STX7: variants seen among roughly 807,000 people sequenced by gnomAD.
STX7 encodes syntaxin-7.
A neutral mutation model predicts 39.6 loss-of-function variants in STX7; 34 were observed. The ratio of observed to expected loss-of-function variants is 0.86; its 90% CI spans 0.65 to 1.14. The LOEUF is 1.14. STX7 is among the 50% of genes most tolerant of loss of function. The pLI is 0.00. For missense variants in STX7, 284 were observed against 310.4 expected (o/e 0.92, Z 0.64); for synonymous variants, 119 against 99.1 (o/e 1.20, Z -1.19).
intron 2 of STX7, among the ~76,000 whole-genome samples, chr6:132,499,921 C>G (rs745328376): frequency 9.8e-5 from 15 of 152,312 alleles, no homozygotes; most frequent in Non-Finnish European, 8.8e-5. Flanking sequence ...CGTTTCAGTA[C>G]ACACTTGCCA....
intron 2 of STX7, among the ~76,000 whole-genome samples, chr6:132,489,565 T>C (rs1229596440): frequency 6.6e-6 from 1 of 152,176 alleles, no homozygotes; most frequent in Admixed American, 6.5e-5. Context: ...ACTTGTCTTC[T>C]TTGTGAGCAA....
At chr6:132,501,436 G>A (rs541706319) in intron 2 of STX7, among the ~76,000 whole-genome samples, 12 of 152,196 alleles carry the variant, frequency 7.9e-5, no homozygotes, top group South Asian at 2.1e-4. Flanking sequence ...ATACTGCCCC[G>A]GATGTACTCG....
chr6:132,450,178 T>G lies in STX7; in HGVS notation c.*10580A>C, dbSNP rs1034695797. 1 of 152,202 alleles carries G rather than the reference T, an allele frequency of 6.6e-6. No homozygotes were observed. The highest frequency in any genetic ancestry group is 6.5e-5 in the Admixed American group (1 of 15,280). The allele number at this position is 152,202 out of a possible 1,614,324, so 9.4% of individuals were successfully genotyped here. ...CTTTCTAATGAGCCAGGAAATGAAC[T>G]AATATTATGTGTGTTGTATTTTATC... On this transcript the variant is annotated 3_prime_UTR_variant, in exon 10 of 10. Transcript: ENST00000367941.
rs1774295670 is a variant in STX7, at chr6:132,458,215, C to T, written c.*2543G>A. The T allele has an allele frequency of 6.6e-6, 1 of 152,124 alleles. No homozygotes were observed. The highest frequency in any genetic ancestry group is 2.1e-4 in the South Asian group (1 of 4,832). 9.4% of individuals were successfully genotyped at this position (152,124 alleles called of 1,614,324 possible). On this transcript the variant is annotated 3_prime_UTR_variant, in exon 10 of 10. Transcript: ENST00000367941. ...TTCAAAGTGCAGTGTCCTTGGTCAC[C>T]AATGCAGATGCTACTGGGGCAGCCA...
intron 2 of STX7, among the ~76,000 whole-genome samples, chr6:132,477,530 T>A (rs1024410861): frequency 6.6e-6 from 1 of 152,118 alleles, no homozygotes. Context: ...ACATTTTTAA[T>A]AAACCATTAA....
intron 2 of STX7, among the ~76,000 whole-genome samples, chr6:132,497,891 A>C (rs1440814757): frequency 6.6e-6 from 1 of 152,252 alleles, no homozygotes; most frequent in Non-Finnish European, 1.5e-5. Context: ...CTCAATCCAA[A>C]GTTTGAAAAC....
chr6:132,470,084 T>G (rs748147100), intron 6 of STX7, 37 bp from the exon 7 acceptor site: 1 of 1,485,408 alleles, frequency 6.7e-7, no homozygotes, highest in South Asian at 1.3e-5. Context: ...AAAACAAAGA[T>G]TGGTATTCAA....
At chr6:132,498,627 C>G (rs1775476613) in intron 2 of STX7, among the ~76,000 whole-genome samples, 1 of 152,160 alleles carries the variant, frequency 6.6e-6, no homozygotes, top group Non-Finnish European at 1.5e-5. Context: ...TGTACTGACA[C>G]AATTTCAAAA....
At chr6:132,468,215 G>A (rs1427550341) in intron 8 of STX7, among the ~76,000 whole-genome samples, 188 bp downstream of exon 8, 1 of 152,152 alleles carries the variant, frequency 6.6e-6, no homozygotes, top group Non-Finnish European at 1.5e-5. Flanking sequence ...CAACCAGCAC[G>A]AGTTAAAAAT....
rs1363814256 is a variant in STX7 at position 132,447,824 on chromosome 6, T to A, written c.*12934A>T. On this transcript the variant is annotated 3_prime_UTR_variant, in exon 10 of 10. Coordinates refer to ENST00000367941, the MANE Select transcript of STX7 (RefSeq NM_003569.3). ...TATATATTGAACAAGGTAGACTTTTTTTTTTATTAATCTGGTGAGATAGGC... is the reference window on the plus strand; with the variant it reads ...TATATATTGAACAAGGTAGACTTTTATTTTTATTAATCTGGTGAGATAGGC... 1 of 152,140 alleles carries A rather than the reference T, an allele frequency of 6.6e-6. No individual in the cohort carries two copies. Among genetic ancestry groups the A allele is most frequent in the East Asian group, 1.9e-4 (1 of 5,198 alleles). The allele number at this position is 152,140 out of a possible 1,614,324, so 9.4% of individuals were successfully genotyped here. A position where few individuals can be genotyped will look rare whatever the true frequency, so the allele number is the denominator to read the frequency against.
chr6:132,506,841 T>A (rs968548892), intron 1 of STX7, among the ~76,000 whole-genome samples: 5 of 152,174 alleles, frequency 3.3e-5, no homozygotes, highest in African/African-American at 1.2e-4. Flanking sequence ...TCTGCACTCA[T>A]ATGTCTATTG....
chr6:132,466,388 T>TCAGAGGTTAAGAAGCTTTTTCTGCAA (rs1774565463), intron 8 of STX7, among the ~76,000 whole-genome samples: 1 of 152,224 alleles, frequency 6.6e-6, no homozygotes, highest in Admixed American at 6.5e-5. Flanking sequence ...GGGCTCTAAA[T>TCAGAGGTTAAGAAGCTTTTTCTGCAA]CAGAGGTTAA....
In STX7 at chr6:132,456,844, A is replaced by C. The variant is rs1043628366; in HGVS notation, c.*3914T>G. 1 of 152,260 alleles carries C rather than the reference A, an allele frequency of 6.6e-6. No individual in the cohort carries two copies. The highest frequency in any genetic ancestry group is 1.5e-5 in the Non-Finnish European group (1 of 68,080). 9.4% of individuals were successfully genotyped at this position (152,260 alleles called of 1,614,324 possible). ...TAGACCAGAAACCACACTTCCCACA[A>C]ACTCCTTCTGTCTCTGGTTCTAAGT... On this transcript the variant is annotated 3_prime_UTR_variant, in exon 10 of 10. Transcript: ENST00000367941.
intron 8 of STX7, among the ~76,000 whole-genome samples, chr6:132,464,967 C>T (rs2114358971): frequency 6.6e-6 from 1 of 152,288 alleles, no homozygotes; most frequent in Admixed American, 6.5e-5. Flanking sequence ...CTTTAAGGCT[C>T]ATGCTATCAA....
rs1562320456 is a variant in STX7, at chr6:132,462,585, GTGT to G, written c.693+1405_693+1407del. Among the ~76,000 whole-genome samples the G allele has an allele frequency of 1.5e-4, 8 of 51,764 alleles. No homozygotes were observed. The East Asian group carries it at 8.9e-3, about 57-fold the overall frequency. 34.0% of individuals were successfully genotyped at this position (51,764 alleles called of 152,430 possible). ...GAAGACTTCTGGCATTTGCAGGGGT[GTGT>G]GTGTGTGTGTGTGTGTGTGTGTGTG... On this transcript the variant is annotated intron_variant, in intron 9 of 9. Coordinates refer to ENST00000367941, the MANE Select transcript of STX7 (RefSeq NM_003569.3).
Position 132,457,586 on chromosome 6 carries a change from T to C in STX7, c.*3172A>G, listed in dbSNP as rs1319532588. 1.3e-5 allele frequency: 2 copies of C among 152,236 alleles called. No individual in the cohort carries two copies. Among genetic ancestry groups the C allele is most frequent in the Non-Finnish European group, 2.9e-5 (2 of 68,034 alleles). 9.4% of individuals were successfully genotyped at this position (152,236 alleles called of 1,614,324 possible). A position where few individuals can be genotyped will look rare whatever the true frequency, so the allele number is the denominator to read the frequency against. On this transcript the variant is annotated 3_prime_UTR_variant, in exon 10 of 10. Transcript: ENST00000367941. ...ATAAGTGTATTTCTTTGCTGACAAG[T>C]CAAACTGTTCAAATGTTATGGAGGA...
intron 2 of STX7, among the ~76,000 whole-genome samples, chr6:132,484,832 G>A (rs1039305554): frequency 6.6e-6 from 1 of 152,074 alleles, no homozygotes; most frequent in African/African-American, 2.4e-5. Context: ...TTTACCTAAT[G>A]TCTCCAAGCT....
intron 1 of STX7, 26 bp downstream of exon 1, chr6:132,512,981 G>C (rs546497600): frequency 1.4e-4 from 21 of 152,352 alleles, no homozygotes; most frequent in African/African-American, 4.8e-4. Context: ...CCCGGCCAGG[G>C]AGCCCCCTCC....
chr6:132,474,227 C>CTA (rs777565011), intron 3 of STX7, among the ~76,000 whole-genome samples: 1 of 69,924 alleles, frequency 1.4e-5, no homozygotes, highest in Non-Finnish European at 2.6e-5. Flanking sequence ...GATCCTGTCT[C>CTA]AAAAAAAAAA....
Sources: allele counts gnomAD v4.1 joint callset (sites outside exome capture counted in the v4.1 genomes callset), GRCh38; gene constraint gnomAD v4.1.1; transcripts MANE v1.5; gene names NCBI Gene and HGNC (gene_info 2026-07-23, HGNC 2026-07-21).